The following ASPRV1 variants were observed in gnomAD, a reference collection of about 807,000 sequenced individuals.
The protein encoded by ASPRV1 is aspartic peptidase retroviral like 1.
In ASPRV1, 7 loss-of-function variants were observed where a neutral mutation model predicts 11.0. The observed-to-expected ratio is 0.64, with a 90% CI of 0.36 to 1.20. ASPRV1 has a LOEUF of 1.20. Among genes scored for constraint, ASPRV1 ranks in the 50% most tolerant of loss-of-function variants. ASPRV1 has a pLI of 0.02. For missense variants in ASPRV1, 299 were observed against 320.0 expected (o/e 0.93, Z 0.50); for synonymous variants, 136 against 138.4 (o/e 0.98, Z 0.12).
the ASPRV1 span, among the ~76,000 whole-genome samples, chr2:70,084,036 C>T: frequency 6.6e-6 from 1 of 152,114 alleles, no homozygotes; most frequent in East Asian, 1.9e-4. Flanking sequence ...AACGTCCAAA[C>T]GTGGGCTACC....
the ASPRV1 span, among the ~76,000 whole-genome samples, chr2:69,944,807 C>CA: frequency 5.3e-5 from 8 of 151,890 alleles, no homozygotes; most frequent in African/African-American, 1.9e-4. Flanking sequence ...AAGGACCCCC[C>CA]CTCCTCTACT....
chr2:69,961,157 C>T lies in ASPRV1; in HGVS notation c.280G>A (p.Ala94Thr). 6.2e-7 allele frequency: 1 copy of T among 1,613,812 alleles called. No individual in the cohort carries two copies. Among genetic ancestry groups the T allele is most frequent in the South Asian group, 1.1e-5 (1 of 91,062 alleles). The change falls in exon 1 of 1, where the codon GCC (alanine) becomes ACC (threonine). Residue 94 changes from alanine to threonine, a missense_variant. Coordinates refer to ENST00000320256, the MANE Select transcript of ASPRV1 (RefSeq NM_152792.4). Reference protein sequence around the residue: ...LLKAFGVPGAAPSHLPKEIVF... With the variant: ...LLKAFGVPGATPSHLPKEIVF... ...ATCTCTTTGGGCAGGTGGCTGGGGG[C>T]AGCCCCAGGGACCCCAAAGGCCTTC...
the ASPRV1 span, among the ~76,000 whole-genome samples, chr2:70,068,114 G>A: frequency 6.6e-6 from 1 of 152,182 alleles, no homozygotes; most frequent in Non-Finnish European, 1.5e-5. Flanking sequence ...TCTGAGCCTG[G>A]GCTATAGCCC....
At chr2:70,079,077 G>C in the ASPRV1 span, among the ~76,000 whole-genome samples, 1 of 152,320 alleles carries the variant, frequency 6.6e-6, no homozygotes, top group African/African-American at 2.4e-5. Flanking sequence ...CTGAAATGGG[G>C]AGGACCTTCC....
chr2:69,955,268 A>G (rs2104256703), downstream of ASPRV1, among the ~76,000 whole-genome samples: 1 of 152,344 alleles, frequency 6.6e-6, no homozygotes, highest in Non-Finnish European at 1.5e-5. Flanking sequence ...CATGGCCACA[A>G]GGGCAGGACT....
the ASPRV1 span, chr2:69,941,309 A>G: frequency 2.6e-5 from 4 of 152,182 alleles, no homozygotes; most frequent in African/African-American, 9.7e-5. Flanking sequence ...TTGGCTTTGA[A>G]TGGTGGGCCG....
At chr2:69,956,476 GAA>G (rs144711073), downstream of ASPRV1, among the ~76,000 whole-genome samples, 83 of 144,752 alleles carry the variant, frequency 5.7e-4, no homozygotes, top group East Asian at 1.4e-3. Context: ...AGAAGAAGAA[GAA>G]AAGAGGAAGA....
chr2:70,068,476 G>A, the ASPRV1 span, among the ~76,000 whole-genome samples: 2 of 152,288 alleles, frequency 1.3e-5, no homozygotes, highest in African/African-American at 2.4e-5. Flanking sequence ...TGGAGAACGG[G>A]GGTTTCTAGG....
chr2:70,071,904 G>A, the ASPRV1 span, among the ~76,000 whole-genome samples: 2 of 151,914 alleles, frequency 1.3e-5, no homozygotes, highest in African/African-American at 4.8e-5. Context: ...AGGAGTCCAA[G>A]ACCAACCCAG....
chr2:70,060,415 C>T, the ASPRV1 span, among the ~76,000 whole-genome samples: 55 of 150,378 alleles, frequency 3.7e-4, no homozygotes, highest in Non-Finnish European at 6.2e-4. Context: ...TCTCAGAAGT[C>T]AAAGAAATGC....
the ASPRV1 span, among the ~76,000 whole-genome samples, chr2:70,057,601 C>G: frequency 7.2e-5 from 11 of 151,972 alleles, no homozygotes; most frequent in Non-Finnish European, 1.6e-4. Flanking sequence ...GCTTCAGCCT[C>G]CCAAGTAGCT....
rs1262125031 is a variant in ASPRV1 at position 69,960,987 on chromosome 2, G to A, written c.450C>T (p.Asp150=). The change falls in exon 1 of 1, where the codon GAC becomes GAT. Residue 150 remains aspartate (D), a synonymous_variant. Transcript: ENST00000320256. Reference sequence around the variant, plus strand: ...CCACATTCTCAAAGGGCTGCAGGGTGTCCAGATCGCCATCAGTGACCTCCT... The same window carrying A: ...CCACATTCTCAAAGGGCTGCAGGGTATCCAGATCGCCATCAGTGACCTCCT... ...LWEEVTDGDL[D]TLQPFENVVK... 5.6e-6 allele frequency: 9 copies of A among 1,614,002 alleles called. No homozygotes were observed. The highest frequency in any genetic ancestry group is 1.7e-5 in the Admixed American group (1 of 60,004).
At chr2:70,040,556 C>T in the ASPRV1 span, among the ~76,000 whole-genome samples, 4 of 152,256 alleles carry the variant, frequency 2.6e-5, no homozygotes, top group South Asian at 8.3e-4. Context: ...CAAATACCGG[C>T]TGGGCACGGT....
chr2:69,998,423 C>T, the ASPRV1 span, among the ~76,000 whole-genome samples: 2 of 151,964 alleles, frequency 1.3e-5, no homozygotes, highest in Admixed American at 6.6e-5. Flanking sequence ...GGGGAAAGGC[C>T]ATAAAAATGC....
chr2:70,054,986 A>G, the ASPRV1 span, among the ~76,000 whole-genome samples: 1 of 152,304 alleles, frequency 6.6e-6, no homozygotes, highest in East Asian at 1.9e-4. Context: ...GATCACATTT[A>G]TAAGGTGAAG....
chr2:69,942,061 G>C, the ASPRV1 span: 65 of 152,216 alleles, frequency 4.3e-4, no homozygotes, highest in African/African-American at 1.5e-3. Flanking sequence ...GTTTCCCCAA[G>C]TTTGTCTGTC....
At chr2:69,955,059 T>C in the ASPRV1 span, among the ~76,000 whole-genome samples, 2 of 152,208 alleles carry the variant, frequency 1.3e-5, no homozygotes, top group Non-Finnish European at 2.9e-5. Flanking sequence ...CATAACAGCT[T>C]TTCTTGCTAC....
At chr2:70,066,081 C>T in the ASPRV1 span, among the ~76,000 whole-genome samples, 2 of 151,178 alleles carry the variant, frequency 1.3e-5, no homozygotes, top group African/African-American at 4.9e-5. Context: ...TGGTGGTGCA[C>T]ACCCATAATC....
At chr2:69,992,475 T>C in the ASPRV1 span, among the ~76,000 whole-genome samples, 1 of 152,230 alleles carries the variant, frequency 6.6e-6, no homozygotes, top group African/African-American at 2.4e-5. Flanking sequence ...TCATCTGTTC[T>C]CCTTGGCTGC....
Sources: allele counts gnomAD v4.1 joint callset (sites outside exome capture counted in the v4.1 genomes callset), GRCh38; gene constraint gnomAD v4.1.1; transcripts MANE v1.5; gene names NCBI Gene and HGNC (gene_info 2026-07-23, HGNC 2026-07-21).